The following UROC1 variants were observed in gnomAD, a reference collection of about 807,000 sequenced individuals.
The protein encoded by UROC1 is urocanate hydratase 1.
A neutral mutation model predicts 89.5 loss-of-function variants in UROC1; 79 were observed. The ratio of observed to expected loss-of-function variants is 0.88; its 90% CI spans 0.74 to 1.06. UROC1 has a LOEUF of 1.06. Among genes scored for constraint, UROC1 ranks in the 50% least tolerant of loss-of-function variants. UROC1 has a pLI of 0.00. For synonymous variants in UROC1, 361 were observed against 354.8 expected, an observed-to-expected ratio of 1.02 and a Z score of -0.20; for missense variants, 885 against 907.8, an observed-to-expected ratio of 0.97 and a Z score of 0.32.
intron 3 of UROC1, 35 bp downstream of exon 3, chr3:126,509,550 G>T (rs1218138525): frequency 1.3e-6 from 2 of 1,512,530 alleles, no homozygotes; most frequent in African/African-American, 2.8e-5. Context: ...TGTTTCTGCT[G>T]GACAGTGCTG....
chr3:126,497,936 G>T, intron 14 of UROC1, 115 bp downstream of exon 14: 1 of 1,578,358 alleles, frequency 6.3e-7, no homozygotes, highest in Non-Finnish European at 8.6e-7. Flanking sequence ...AGTCATCTGC[G>T]CCCAGGTTCC....
intron 6 of UROC1, among the ~76,000 whole-genome samples, chr3:126,506,356 G>T (rs1200915044): frequency 6.6e-6 from 1 of 152,186 alleles, no homozygotes; most frequent in Non-Finnish European, 1.5e-5. Flanking sequence ...ACACACACAA[G>T]GATGTTCACC....
intron 4 of UROC1, 121 bp downstream of exon 4, chr3:126,508,295 C>A: frequency 7.3e-7 from 1 of 1,369,236 alleles, no homozygotes; most frequent in Non-Finnish European, 1.0e-6. Flanking sequence ...AATGCTGGAG[C>A]CTCAGGCACC....
intron 17 of UROC1, among the ~76,000 whole-genome samples, chr3:126,488,674 C>G (rs2107534350): frequency 6.6e-6 from 1 of 152,320 alleles, no homozygotes; most frequent in Non-Finnish European, 1.5e-5. Context: ...TCCCTTGACC[C>G]CATTAGGGAA....
intron 17 of UROC1, 82 bp downstream of exon 17, chr3:126,489,194 A>T: frequency 7.4e-7 from 1 of 1,358,220 alleles, no homozygotes; most frequent in East Asian, 2.3e-5. Context: ...ATCTTTCGAA[A>T]CATTGTGACT....
intron 3 of UROC1, among the ~76,000 whole-genome samples, chr3:126,509,373 C>G (rs902867663): frequency 6.6e-6 from 1 of 152,114 alleles, no homozygotes; most frequent in Admixed American, 6.5e-5. Context: ...CCACTGCAGC[C>G]ACAGTGACTT....
intron 13 of UROC1, 26 bp from the exon 14 acceptor site, chr3:126,498,198 C>G: frequency 6.2e-7 from 1 of 1,613,892 alleles, no homozygotes; most frequent in Non-Finnish European, 8.5e-7. Context: ...CCTCCTCACC[C>G]TGGGCCCGCT....
chr3:126,502,361 T>C (rs574657223), intron 9 of UROC1, among the ~76,000 whole-genome samples: 1 of 152,016 alleles, frequency 6.6e-6, no homozygotes, highest in Non-Finnish European at 1.5e-5. Context: ...TTGTGTTACA[T>C]GCATGTTTGT....
intron 18 of UROC1, among the ~76,000 whole-genome samples, chr3:126,485,045 G>C (rs556475219): frequency 6.6e-6 from 1 of 152,218 alleles, no homozygotes; most frequent in Non-Finnish European, 1.5e-5. Flanking sequence ...AAATGGGAAC[G>C]CTAACACATT....
At chr3:126,484,414 C>T (rs901383058) in intron 18 of UROC1, among the ~76,000 whole-genome samples, 8 of 152,250 alleles carry the variant, frequency 5.3e-5, no homozygotes, top group African/African-American at 7.2e-5. Flanking sequence ...ATTTTGTAAA[C>T]GCCTGTCGTT....
At chr3:126,499,080 G>T (rs1486978284) in intron 13 of UROC1, among the ~76,000 whole-genome samples, 3 of 151,896 alleles carry the variant, frequency 2.0e-5, no homozygotes, top group Non-Finnish European at 4.4e-5. Context: ...TCAGCCTCTA[G>T]GCCCCGCAGC....
In UROC1 at chr3:126,506,800, G is replaced by A. The variant is rs912334799; in HGVS notation, c.603-789C>T. Among the ~76,000 whole-genome samples the A allele has an allele frequency of 3.3e-5, 5 of 152,260 alleles. No homozygotes were observed. The East Asian group carries it at 5.8e-4, about 18-fold the overall frequency. ...GCTTAATGAAATACTTTGCATTGCC[G>A]GCCACCGTGGCTCATGCCTGTAATC... On this transcript the variant is annotated intron_variant, in intron 6 of 19. Coordinates refer to ENST00000290868, the MANE Select transcript of UROC1 (RefSeq NM_144639.3).
chr3:126,500,111 T>A lies in UROC1; in HGVS notation c.1189A>T (p.Lys397Ter), dbSNP rs1401864888. Residue 397 changes from lysine (K) to a stop codon, truncating the protein, a stop_gained, in exon 12 of 20, where the codon AAG becomes TAG. Coordinates refer to ENST00000290868, the MANE Select transcript of UROC1 (RefSeq NM_144639.3). LOFTEE classifies it high-confidence loss of function. ...TTGCCGTAGTCCCAGAAGAAGAACT[T>A]CTCCTCGGCCAACCTGTTGATGGCT... ...VSAINRLAEE[K>*]FFFWDYGNAF... is the part of the protein sequence containing the mutation. 1 of 1,613,616 alleles carries A rather than the reference T, an allele frequency of 6.2e-7. No individual in the cohort carries two copies. The highest frequency in any genetic ancestry group is 2.2e-5 in the East Asian group (1 of 44,844).
intron 1 of UROC1, among the ~76,000 whole-genome samples, chr3:126,511,102 G>A (rs996655077): frequency 1.3e-5 from 2 of 152,116 alleles, no homozygotes; most frequent in African/African-American, 4.8e-5. Context: ...CCAGAGAGGG[G>A]CCTGCCTGAG....
In UROC1 at chr3:126,503,927, G is replaced by T. The variant is rs757815210; in HGVS notation, c.902+68C>A. 8.9e-6 allele frequency: 14 copies of T among 1,579,072 alleles called. No individual in the cohort carries two copies. In the South Asian group the frequency reaches 1.3e-4, roughly 15 times the overall value. ...GCCCACACCAAGCTGCCCCATGGGG[G>T]TCCTCTTGTGGTCTCCTGCTGCCAC... On this transcript the variant is annotated intron_variant, in intron 9 of 19. Transcript: ENST00000290868.
At chr3:126,485,078 T>G (rs1935481199) in intron 18 of UROC1, among the ~76,000 whole-genome samples, 1 of 152,216 alleles carries the variant, frequency 6.6e-6, no homozygotes, top group Non-Finnish European at 1.5e-5. Context: ...GAATTTGAGG[T>G]AACTCACAAA....
At chr3:126,499,741 A>G (rs1041924731) in intron 12 of UROC1, among the ~76,000 whole-genome samples, 4 of 152,220 alleles carry the variant, frequency 2.6e-5, no homozygotes, top group Admixed American at 6.5e-5. Flanking sequence ...TGCCCATTTT[A>G]CAGAAGGAAG....
chr3:126,507,574 G>C (rs907785331), intron 6 of UROC1, among the ~76,000 whole-genome samples, 168 bp downstream of exon 6: 1 of 152,184 alleles, frequency 6.6e-6, no homozygotes, highest in Non-Finnish European at 1.5e-5. Flanking sequence ...TATAAAATTT[G>C]TAAGCATATA....
chr3:126,488,686 T>G (rs1233984087), intron 17 of UROC1, among the ~76,000 whole-genome samples: 1 of 152,208 alleles, frequency 6.6e-6, no homozygotes, highest in East Asian at 1.9e-4. Flanking sequence ...ATTAGGGAAC[T>G]GAGGTCCCAG....
Sources: gnomAD v4.1 joint callset for allele counts (sites outside exome capture counted in the v4.1 genomes callset) on GRCh38, gnomAD v4.1.1 for gene constraint, MANE v1.5 for transcripts, NCBI Gene and HGNC (gene_info 2026-07-23, HGNC 2026-07-21) for gene names.